CNTN3: variants seen among roughly 807,000 people sequenced by gnomAD.
CNTN3 encodes the protein contactin 3.
CNTN3 carries 60 observed loss-of-function variants against 119.1 expected under a neutral mutation model. The ratio of observed to expected loss-of-function variants is 0.50; its 90% CI spans 0.41 to 0.62. CNTN3 has a LOEUF of 0.62. CNTN3 is among the 20% of genes least tolerant of loss of function. The pLI, the probability that CNTN3 is intolerant of heterozygous loss-of-function variation, is 0.00. For synonymous variants in CNTN3, 450 were observed against 438.7 expected, an observed-to-expected ratio of 1.03 and a Z score of -0.32; for missense variants, 1,101 against 1,242.4, an observed-to-expected ratio of 0.89 and a Z score of 1.71.
chr3:74,340,636 A>G (rs1703511409), intron 11 of CNTN3, among the ~76,000 whole-genome samples: 1 of 152,202 alleles, frequency 6.6e-6, no homozygotes, highest in Non-Finnish European at 1.5e-5. Flanking sequence ...TTTAATATGC[A>G]AAGACCAGAA....
In CNTN3 at chr3:74,499,804, T is replaced by A; in HGVS notation, c.56-19A>T. The stretch of plus-strand genomic sequence containing the variant: ...AGCTCACCTATATGGGTGGGAGACA[T>A]CCAAAAAATAATAATCAGTAAAAGG... On this transcript the variant is annotated intron_variant, in intron 2 of 22. Coordinates refer to ENST00000263665, the MANE Select transcript of CNTN3 (RefSeq NM_020872.3). 1 of 1,572,730 alleles carries A rather than the reference T, an allele frequency of 6.4e-7. No homozygotes were observed. The highest frequency in any genetic ancestry group is 8.6e-7 in the Non-Finnish European group (1 of 1,166,270).
At chr3:74,321,882 C>T (rs74280994) in intron 13 of CNTN3, among the ~76,000 whole-genome samples, 2,363 of 152,176 alleles carry the variant, frequency 0.016, 19 homozygotes, top group Middle Eastern at 0.02. Context: ...ATAATAGATA[C>T]ATTGAATCAA....
At chr3:74,582,995 C>T (rs1455002740) in intron 1 of CNTN3, among the ~76,000 whole-genome samples, 3 of 152,102 alleles carry the variant, frequency 2.0e-5, no homozygotes, top group African/African-American at 7.2e-5. Context: ...TGACACCATG[C>T]CACACAGGGC....
chr3:74,388,187 C>CA (rs917007045), intron 5 of CNTN3, among the ~76,000 whole-genome samples: 1 of 152,036 alleles, frequency 6.6e-6, no homozygotes, highest in Admixed American at 6.6e-5. Flanking sequence ...AAAAAGTGAG[C>CA]ACCTAACATA....
At chr3:74,305,075 C>T (rs1360633443) in intron 13 of CNTN3, among the ~76,000 whole-genome samples, 1 of 152,284 alleles carries the variant, frequency 6.6e-6, no homozygotes, top group Non-Finnish European at 1.5e-5. Flanking sequence ...CATTCAAGGA[C>T]ACAGAAGTGT....
At chr3:74,422,769 T>C (rs1701636749) in intron 5 of CNTN3, among the ~76,000 whole-genome samples, 2 of 152,218 alleles carry the variant, frequency 1.3e-5, no homozygotes, top group Non-Finnish European at 2.9e-5. Flanking sequence ...TAAATTTAAA[T>C]TATTTTGATA....
intron 2 of CNTN3, among the ~76,000 whole-genome samples, chr3:74,519,681 A>G (rs1237631246): frequency 6.6e-6 from 1 of 151,862 alleles, no homozygotes; most frequent in East Asian, 1.9e-4. Context: ...AACTTTATAA[A>G]TGAAGAAAAG....
At chr3:74,482,020 A>G (rs1702772096) in intron 4 of CNTN3, among the ~76,000 whole-genome samples, 1 of 151,942 alleles carries the variant, frequency 6.6e-6, no homozygotes, top group African/African-American at 2.4e-5. Flanking sequence ...TGAGTAGGTA[A>G]AACATTTCCT....
At chr3:74,437,824 A>G (rs1167271253) in intron 4 of CNTN3, among the ~76,000 whole-genome samples, 1 of 152,152 alleles carries the variant, frequency 6.6e-6, no homozygotes, top group Non-Finnish European at 1.5e-5. Context: ...TCCAGGTGGT[A>G]TATCTGAGTT....
intron 1 of CNTN3, among the ~76,000 whole-genome samples, chr3:74,561,015 G>A (rs1482301127): frequency 1.1e-4 from 13 of 117,108 alleles, no homozygotes; most frequent in Admixed American, 2.1e-4. Flanking sequence ...ATCATACACC[G>A]GGACCTGTTG....
intron 5 of CNTN3, among the ~76,000 whole-genome samples, chr3:74,395,814 C>T (rs944226674): frequency 6.6e-6 from 1 of 151,908 alleles, no homozygotes; most frequent in Admixed American, 6.6e-5. Flanking sequence ...AGACTAAGTC[C>T]ATTGGCACCA....
intron 1 of CNTN3, among the ~76,000 whole-genome samples, chr3:74,536,245 T>G (rs938954484): frequency 2.0e-5 from 3 of 152,058 alleles, no homozygotes; most frequent in Non-Finnish European, 2.9e-5. Flanking sequence ...ATTGGAGATC[T>G]CCTTAGCCCT....
At chr3:74,303,068 A>G (rs1429031238) in intron 13 of CNTN3, among the ~76,000 whole-genome samples, 1 of 152,240 alleles carries the variant, frequency 6.6e-6, no homozygotes, top group Non-Finnish European at 1.5e-5. Context: ...TCAAAAATAA[A>G]TAAGGGCAGA....
chr3:74,555,110 T>G (rs937514773), intron 1 of CNTN3, among the ~76,000 whole-genome samples: 1 of 152,052 alleles, frequency 6.6e-6, no homozygotes, highest in Admixed American at 6.6e-5. Flanking sequence ...TTATTGAGAG[T>G]TTTTAGCAAG....
intron 5 of CNTN3, among the ~76,000 whole-genome samples, chr3:74,421,959 T>C (rs935660888): frequency 6.6e-6 from 1 of 152,230 alleles, no homozygotes; most frequent in Non-Finnish European, 1.5e-5. Flanking sequence ...CCAGGTCATT[T>C]TGGCTGTTAA....
intron 4 of CNTN3, among the ~76,000 whole-genome samples, chr3:74,477,069 C>A (rs1702668833): frequency 6.6e-6 from 1 of 152,062 alleles, no homozygotes; most frequent in South Asian, 2.1e-4. Flanking sequence ...AGACATGCAT[C>A]CCAAGAATTA....
At chr3:74,361,857 A>G (rs1331081517) in intron 11 of CNTN3, 33 bp downstream of exon 11, 2 of 1,571,638 alleles carry the variant, frequency 1.3e-6, no homozygotes, top group African/African-American at 2.7e-5. Flanking sequence ...GTGAGAGGAA[A>G]GTAAATGACC....
At chr3:74,490,786 G>T (rs1209809079) in intron 3 of CNTN3, among the ~76,000 whole-genome samples, 4 of 152,134 alleles carry the variant, frequency 2.6e-5, no homozygotes, top group East Asian at 1.9e-4. Flanking sequence ...TTTAAAATAT[G>T]TTCCTGCATT....
intron 1 of CNTN3, among the ~76,000 whole-genome samples, chr3:74,550,617 C>T (rs1157365138): frequency 6.6e-6 from 1 of 152,190 alleles, no homozygotes; most frequent in Non-Finnish European, 1.5e-5. Context: ...TAGCTCACTA[C>T]AGCCTTGAGC....
Sources: allele counts gnomAD v4.1 joint callset (sites outside exome capture counted in the v4.1 genomes callset), GRCh38; gene constraint gnomAD v4.1.1; transcripts MANE v1.5; gene names NCBI Gene and HGNC (gene_info 2026-07-23, HGNC 2026-07-21).